PALD1: variants seen among roughly 807,000 people sequenced by gnomAD.
PALD1 encodes paladin.
Under a neutral mutation model 96.0 loss-of-function variants are expected in PALD1, and 57 were observed. The ratio of observed to expected loss-of-function variants is 0.59; its 90% CI spans 0.48 to 0.74. PALD1 has a LOEUF of 0.74. Among genes scored for constraint, PALD1 ranks in the 30% least tolerant of loss-of-function variants. The pLI, the probability that PALD1 is intolerant of heterozygous loss-of-function variation, is 0.00. For missense variants in PALD1, 1,063 were observed against 1,143.7 expected (o/e 0.93, Z 1.02); for synonymous variants, 464 against 473.6 (o/e 0.98, Z 0.26).
chr10:70,475,726 C>T (rs1256970949), upstream of PALD1, among the ~76,000 whole-genome samples: 1 of 152,176 alleles, frequency 6.6e-6, no homozygotes, highest in Non-Finnish European at 1.5e-5. Flanking sequence ...GGGGTTCCCA[C>T]AGCTCATGTT....
At chr10:70,502,034 C>T (rs909133872) in intron 1 of PALD1, among the ~76,000 whole-genome samples, 2 of 152,246 alleles carry the variant, frequency 1.3e-5, no homozygotes, top group African/African-American at 4.8e-5. Flanking sequence ...GACAGTGGCT[C>T]ATGCCTGTAA....
chr10:70,564,212 C>G (rs1847794254), intron 18 of PALD1, 152 bp from the exon 19 acceptor site: 1 of 775,180 alleles, frequency 1.3e-6, no homozygotes. Context: ...CTGGCTTGCT[C>G]CATTGCTTGT....
chr10:70,503,041 C>G (rs935312941), intron 1 of PALD1, among the ~76,000 whole-genome samples: 1 of 152,038 alleles, frequency 6.6e-6, no homozygotes, highest in Admixed American at 6.5e-5. Flanking sequence ...CCACCATGCC[C>G]AGCTAATTTT....
chr10:70,522,947 G>A (rs1846768638), intron 1 of PALD1, among the ~76,000 whole-genome samples: 2 of 152,256 alleles, frequency 1.3e-5, no homozygotes, highest in Non-Finnish European at 2.9e-5. Flanking sequence ...GTGGCCAGCA[G>A]GAGGAAGGCC....
At chr10:70,464,859 C>T in the PALD1 span, among the ~76,000 whole-genome samples, 1 of 151,804 alleles carries the variant, frequency 6.6e-6, no homozygotes, top group Non-Finnish European at 1.5e-5. Context: ...AACTCCTGGC[C>T]TCAGGAGATC....
intron 4 of PALD1, 111 bp from the exon 5 acceptor site, chr10:70,531,179 G>A: frequency 1.2e-6 from 1 of 827,140 alleles, no homozygotes; most frequent in Non-Finnish European, 2.0e-6. Context: ...GGGATGGTGT[G>A]GGGTGCAGGA....
rs1164050369 is a variant in PALD1 at position 70,489,554 on chromosome 10, A to G, written c.-30+10495A>G. On this transcript the variant is annotated intron_variant, in intron 1 of 19. Coordinates refer to ENST00000263563, the MANE Select transcript of PALD1 (RefSeq NM_014431.3). Reference sequence around the variant, plus strand: ...CTCATCCTGGGCTCAGGAATCCTGTAGGGGGAGGGGAGGACCTGGCAGGGA... The same window carrying G: ...CTCATCCTGGGCTCAGGAATCCTGTGGGGGGAGGGGAGGACCTGGCAGGGA... 3.9e-5 allele frequency among the ~76,000 whole-genome samples: 6 copies of G among 152,048 alleles called. No individual in the cohort carries two copies. In the East Asian group the frequency reaches 1.2e-3, roughly 29 times the overall value.
intron 2 of PALD1, among the ~76,000 whole-genome samples, chr10:70,526,587 T>C (rs1225567205): frequency 1.3e-5 from 2 of 152,202 alleles, no homozygotes; most frequent in African/African-American, 2.4e-5. Flanking sequence ...GCTGTCCTAA[T>C]GATGCCCCTC....
chr10:70,550,340 T>C (rs1217741666), intron 18 of PALD1, among the ~76,000 whole-genome samples: 1 of 152,144 alleles, frequency 6.6e-6, no homozygotes, highest in Non-Finnish European at 1.5e-5. Flanking sequence ...GGCTTCAGAA[T>C]CACATGTTAG....
chr10:70,533,025 G>T lies in PALD1; in HGVS notation c.825G>T (p.Gly275=), dbSNP rs1349065453. 1 of 1,586,648 alleles carries T rather than the reference G, an allele frequency of 6.3e-7. No individual in the cohort carries two copies. The highest frequency in any genetic ancestry group is 8.6e-7 in the Non-Finnish European group (1 of 1,166,152). The part of the protein sequence containing the change: ...RYHRLPLPEQ[G]SPLEAQLDAF... ...ACCGCCTGCCCCTGCCCGAGCAAGG[G>T]AGTCCCCTGGAGGCCCAGTTGGACG... The change falls in exon 7 of 20, where the codon GGG becomes GGT. Residue 275 remains glycine (G), a synonymous_variant. Coordinates refer to ENST00000263563, the MANE Select transcript of PALD1 (RefSeq NM_014431.3).
intron 1 of PALD1, among the ~76,000 whole-genome samples, chr10:70,500,094 G>A (rs371945851): frequency 9.9e-5 from 15 of 152,220 alleles, no homozygotes; most frequent in African/African-American, 2.2e-4. Flanking sequence ...CAGGCTGGTC[G>A]TGGTGGAGCT....
the PALD1 span, among the ~76,000 whole-genome samples, chr10:70,463,199 T>G: frequency 2.0e-5 from 3 of 152,052 alleles, no homozygotes; most frequent in African/African-American, 7.2e-5. Context: ...GGTCAGGAGA[T>G]CAAGACCATC....
At chr10:70,525,722 C>T (rs769023932) in intron 1 of PALD1, among the ~76,000 whole-genome samples, 16 of 152,212 alleles carry the variant, frequency 1.1e-4, no homozygotes, top group South Asian at 2.1e-4. Flanking sequence ...CCCAAAGCAT[C>T]GGTAAAGGGC....
rs147164565 is a variant in PALD1 at position 70,513,434 on chromosome 10, C to T, written c.-29-12489C>T. Among the ~76,000 whole-genome samples the T allele has an allele frequency of 9.1e-3, 1,379 of 152,206 alleles. 17 individuals carry two copies. The highest frequency in any genetic ancestry group is 0.029 in the African/African-American group (1,216 of 41,522). ...GGCTGAGGCAGGAATTGCTTGAATC[C>T]GGGAGGCGGAGGTTGCAGTGAGCCG... On this transcript the variant is annotated intron_variant, in intron 1 of 19. Coordinates refer to ENST00000263563, the MANE Select transcript of PALD1 (RefSeq NM_014431.3).
rs775694634 is a variant in PALD1, at chr10:70,547,294, C to G, written c.2122-12C>G. The G allele has an allele frequency of 1.9e-6, 3 of 1,613,158 alleles. No homozygotes were observed. In the Admixed American group the frequency reaches 5.0e-5, roughly 27 times the overall value. ...AGTTTTATGTCTGCTCACCCCCCTT[C>G]TCTGGCCCCAGGTAGTAATGAAGGT... is the stretch of plus-strand genomic sequence containing the variant. On this transcript the variant is annotated splice_polypyrimidine_tract_variant and intron_variant, in intron 17 of 19. Transcript: ENST00000263563.
chr10:70,498,046 A>G (rs191416766), intron 1 of PALD1, among the ~76,000 whole-genome samples: 2 of 152,056 alleles, frequency 1.3e-5, no homozygotes, highest in Admixed American at 1.3e-4. Flanking sequence ...CTTCTTTCCA[A>G]ACTGAAACTC....
At chr10:70,554,458 T>C (rs1380594826) in intron 18 of PALD1, among the ~76,000 whole-genome samples, 1 of 151,784 alleles carries the variant, frequency 6.6e-6, no homozygotes, top group East Asian at 1.9e-4. Context: ...ACAAACTGCC[T>C]CAAAAGGAAA....
chr10:70,462,872 C>T, the PALD1 span, among the ~76,000 whole-genome samples: 6 of 152,222 alleles, frequency 3.9e-5, no homozygotes, highest in African/African-American at 9.6e-5. Flanking sequence ...TGGCTGCATC[C>T]GTGGCCACAC....
At chr10:70,519,492 C>T (rs1439141073) in intron 1 of PALD1, among the ~76,000 whole-genome samples, 1 of 151,982 alleles carries the variant, frequency 6.6e-6, no homozygotes, top group Non-Finnish European at 1.5e-5. Flanking sequence ...AGGGTTCTGC[C>T]CTCATGAATT....
Sources: gnomAD v4.1 joint callset for allele counts (sites outside exome capture counted in the v4.1 genomes callset) on GRCh38, gnomAD v4.1.1 for gene constraint, MANE v1.5 for transcripts, NCBI Gene and HGNC (gene_info 2026-07-23, HGNC 2026-07-21) for gene names.